Variants in CEP85L observed in about 807,000 individuals in gnomAD.
CEP85L encodes centrosomal protein of 85 kDa-like.
Under a neutral mutation model 100.3 loss-of-function variants are expected in CEP85L, and 60 were observed. That is an observed-to-expected ratio of 0.60 (90% confidence interval 0.49 to 0.74). The LOEUF (loss-of-function observed/expected upper bound fraction) is 0.74. Ranked by LOEUF, CEP85L falls within the 30% of genes least tolerant of loss-of-function variation. CEP85L has a pLI of 0.00. For synonymous variants in CEP85L, 319 were observed against 322.7 expected (o/e 0.99, Z 0.12); for missense variants, 973 against 936.2 (o/e 1.04, Z -0.51).
intron 3 of CEP85L, among the ~76,000 whole-genome samples, chr6:118,547,474 GTAAT>G (rs952891683): frequency 2.0e-5 from 3 of 152,170 alleles, no homozygotes; most frequent in African/African-American, 7.2e-5. Flanking sequence ...TTTGGAATCT[GTAAT>G]TATTTCTTTT....
chr6:118,499,828 T>C (rs9489417), intron 5 of CEP85L, among the ~76,000 whole-genome samples: 102,677 of 151,948 alleles, frequency 0.68, 35,386 homozygotes, highest in Middle Eastern at 0.74. Context: ...TCAAAAAGCA[T>C]GCACGAATGT....
At chr6:118,609,763 C>G (rs1656013700) in intron 2 of CEP85L, among the ~76,000 whole-genome samples, 1 of 151,586 alleles carries the variant, frequency 6.6e-6, no homozygotes, top group Non-Finnish European at 1.5e-5. Flanking sequence ...GGTACAAAAC[C>G]AGGATTGAAA....
At chr6:118,504,577 C>G (rs1775523692) in intron 5 of CEP85L, among the ~76,000 whole-genome samples, 1 of 152,168 alleles carries the variant, frequency 6.6e-6, no homozygotes, top group Admixed American at 6.5e-5. Context: ...GGCTGTTCAT[C>G]TGTATCTTTT....
chr6:118,626,302 G>C (rs1235849726), intron 2 of CEP85L, among the ~76,000 whole-genome samples: 1 of 152,178 alleles, frequency 6.6e-6, no homozygotes, highest in Non-Finnish European at 1.5e-5. Context: ...AATTTTAGCT[G>C]TAAGTTTTCC....
At chr6:118,518,409 C>T (rs945379375) in intron 4 of CEP85L, among the ~76,000 whole-genome samples, 2 of 152,146 alleles carry the variant, frequency 1.3e-5, no homozygotes, top group African/African-American at 4.8e-5. Context: ...AATTTCAGAA[C>T]TTGTTATTGA....
intron 2 of CEP85L, among the ~76,000 whole-genome samples, chr6:118,614,518 C>T (rs1772881042): frequency 6.6e-6 from 1 of 152,198 alleles, no homozygotes; most frequent in Non-Finnish European, 1.5e-5. Flanking sequence ...TGCGTGAGTT[C>T]AGCAAGGTAA....
chr6:118,504,873 T>C (rs1775541721), intron 5 of CEP85L, among the ~76,000 whole-genome samples: 1 of 152,160 alleles, frequency 6.6e-6, no homozygotes, highest in African/African-American at 2.4e-5. Flanking sequence ...GACTGCCTGG[T>C]GTGTAGGGAA....
At chr6:118,466,441 CAAAT>C (rs1330211169) in intron 12 of CEP85L, among the ~76,000 whole-genome samples, 1 of 152,052 alleles carries the variant, frequency 6.6e-6, no homozygotes, top group Non-Finnish European at 1.5e-5. Context: ...ATTTCATAAA[CAAAT>C]GAACACAGTG....
intron 2 of CEP85L, among the ~76,000 whole-genome samples, chr6:118,581,264 CTTAA>C (rs1780562034): frequency 6.6e-6 from 1 of 152,136 alleles, no homozygotes; most frequent in Non-Finnish European, 1.5e-5. Context: ...AGAGACAGTA[CTTAA>C]TTAGTAAGGG....
At chr6:118,702,206 T>C (rs936634284) in intron 1 of CEP85L, among the ~76,000 whole-genome samples, 1 of 152,172 alleles carries the variant, frequency 6.6e-6, no homozygotes, top group African/African-American at 2.4e-5. Flanking sequence ...CTACCTGTTA[T>C]TTACCTAAAT....
chr6:118,638,376 C>A (rs372574198), intron 1 of CEP85L, among the ~76,000 whole-genome samples: 1 of 151,930 alleles, frequency 6.6e-6, no homozygotes, highest in East Asian at 1.9e-4. Flanking sequence ...ACATTCTAAT[C>A]TTTTAATTTA....
chr6:118,609,877 T>C (rs1351102053), intron 2 of CEP85L, among the ~76,000 whole-genome samples: 1 of 151,888 alleles, frequency 6.6e-6, no homozygotes, highest in Admixed American at 6.6e-5. Flanking sequence ...TGTCCTATGA[T>C]ACAAACAATA....
At chr6:118,480,577 A>C (rs1428622621) in intron 8 of CEP85L, 64 bp from the exon 9 acceptor site, 1 of 992,066 alleles carries the variant, frequency 1.0e-6, no homozygotes, top group African/African-American at 1.6e-5. Context: ...TAATGATTTC[A>C]ACATAAATGA....
chr6:118,563,091 G>C (rs1162007024), intron 3 of CEP85L, among the ~76,000 whole-genome samples: 1 of 152,152 alleles, frequency 6.6e-6, no homozygotes, highest in Non-Finnish European at 1.5e-5. Context: ...GCATAAGTGT[G>C]ATGTACTACC....
chr6:118,614,569 C>T (rs1210469481), intron 2 of CEP85L, among the ~76,000 whole-genome samples: 3 of 152,178 alleles, frequency 2.0e-5, no homozygotes, highest in South Asian at 2.1e-4. Flanking sequence ...TGTGGCCGGG[C>T]GCAGTGGCTC....
At chr6:118,553,100 AT>A (rs1249673956) in intron 3 of CEP85L, among the ~76,000 whole-genome samples, 1 of 152,058 alleles carries the variant, frequency 6.6e-6, no homozygotes, top group East Asian at 1.9e-4. Context: ...ACTATTTATG[AT>A]TAGACTAACA....
chr6:118,601,038 T>C (rs1781759861), intron 2 of CEP85L, among the ~76,000 whole-genome samples: 2 of 152,228 alleles, frequency 1.3e-5, no homozygotes, highest in African/African-American at 4.8e-5. Context: ...AATATTCTTA[T>C]ACATATTATC....
intron 2 of CEP85L, among the ~76,000 whole-genome samples, chr6:118,629,769 C>A (rs368096219): frequency 1.2e-4 from 18 of 152,312 alleles, no homozygotes; most frequent in African/African-American, 4.3e-4. Context: ...ACTGGACCCT[C>A]CTTTAGCTAA....
intron 3 of CEP85L, among the ~76,000 whole-genome samples, chr6:118,536,610 T>C (rs1483007762): frequency 6.6e-6 from 1 of 152,158 alleles, no homozygotes; most frequent in Non-Finnish European, 1.5e-5. Flanking sequence ...CAGAATGCAC[T>C]GTCGTGGCTG....
Sources: allele counts gnomAD v4.1 joint callset (sites outside exome capture counted in the v4.1 genomes callset), GRCh38; gene constraint gnomAD v4.1.1; transcripts MANE v1.5; gene names NCBI Gene and HGNC (gene_info 2026-07-23, HGNC 2026-07-21).